Variants in WDR19 observed in about 807,000 individuals in gnomAD.
The protein encoded by WDR19 is WD repeat domain 19.
Under a neutral mutation model 180.0 loss-of-function variants are expected in WDR19, and 121 were observed. The ratio of observed to expected loss-of-function variants is 0.67; its 90% CI spans 0.58 to 0.78. The LOEUF (loss-of-function observed/expected upper bound fraction) is 0.78, where lower values mean the gene tolerates loss of function less well. Ranked by LOEUF, WDR19 falls within the 30% of genes least tolerant of loss-of-function variation. The pLI, the probability that WDR19 is intolerant of heterozygous loss-of-function variation, is 0.00. For synonymous variants in WDR19, 497 were observed against 540.7 expected (o/e 0.92, Z 1.12); for missense variants, 1,450 against 1,640.7 (o/e 0.88, Z 2.01).
At chr4:39,226,489 C>A (rs1243639263) in intron 15 of WDR19, among the ~76,000 whole-genome samples, 1 of 152,150 alleles carries the variant, frequency 6.6e-6, no homozygotes, top group African/African-American at 2.4e-5. Context: ...AACAGTTCGG[C>A]CACTAGTCCA....
intron 36 of WDR19, among the ~76,000 whole-genome samples, chr4:39,280,943 A>C (rs6829660): frequency 0.46 from 69,925 of 151,888 alleles, 18,711 homozygotes; most frequent in East Asian, 0.62. Context: ...TTGCATGTAG[A>C]TATCCAGCTG....
At chr4:39,202,531 G>T (rs1231332168) in intron 6 of WDR19, among the ~76,000 whole-genome samples, 4 of 151,996 alleles carry the variant, frequency 2.6e-5, no homozygotes, top group Non-Finnish European at 1.5e-5. Flanking sequence ...AACATATTCT[G>T]TTGGTGAAAC....
At chr4:39,190,134 A>G (rs6531696) in intron 4 of WDR19, among the ~76,000 whole-genome samples, 52,585 of 152,012 alleles carry the variant, frequency 0.35, 9,606 homozygotes, top group African/African-American at 0.47. Context: ...TCTTTTCTCT[A>G]TATTGACTTT....
intron 24 of WDR19, among the ~76,000 whole-genome samples, chr4:39,250,717 A>G (rs1248483338): frequency 6.6e-6 from 1 of 152,190 alleles, no homozygotes; most frequent in Non-Finnish European, 1.5e-5. Flanking sequence ...CCAATAACAG[A>G]CAAACAGAGA....
At chr4:39,225,168 A>G in intron 15 of WDR19, 135 bp downstream of exon 15, 1 of 681,766 alleles carries the variant, frequency 1.5e-6, no homozygotes, top group Non-Finnish European at 2.2e-6. Context: ...CATCTTCATA[A>G]TATCATGTTT....
intron 21 of WDR19, among the ~76,000 whole-genome samples, chr4:39,243,115 T>G (rs1280893520): frequency 6.7e-6 from 1 of 150,190 alleles, no homozygotes; most frequent in Non-Finnish European, 1.5e-5. Flanking sequence ...AAAATTAAAT[T>G]CATTTTTTAA....
rs1426032211 is a variant in WDR19 at position 39,224,525 on chromosome 4, C to T, written c.1480-359C>T. Among the ~76,000 whole-genome samples, 7 of 151,972 alleles carry T rather than the reference C, an allele frequency of 4.6e-5. No individual in the cohort carries two copies. The East Asian group carries it at 7.7e-4, about 17-fold the overall frequency. On this transcript the variant is annotated intron_variant, in intron 14 of 36. Coordinates refer to ENST00000399820, the MANE Select transcript of WDR19 (RefSeq NM_025132.4). ...CCTCCCAAGTAGCTGGGATTACAGG[C>T]GCCCGCCACCATGCCCAGCTAATTT... is the stretch of plus-strand genomic sequence containing the variant.
chr4:39,270,129 AAC>A (rs762597163), intron 31 of WDR19, 29 bp downstream of exon 31: 53 of 1,610,018 alleles, frequency 3.3e-5, no homozygotes, highest in Non-Finnish European at 4.2e-5. Context: ...CTTGGGACAT[AAC>A]CTGCCAGGTG....
intron 4 of WDR19, among the ~76,000 whole-genome samples, chr4:39,192,744 G>T (rs1356545657): frequency 6.6e-6 from 1 of 152,164 alleles, no homozygotes; most frequent in African/African-American, 2.4e-5. Flanking sequence ...TTATAGGCGT[G>T]AGCCACCGTG....
intron 2 of WDR19, 96 bp downstream of exon 2, chr4:39,185,913 T>C: frequency 9.2e-7 from 1 of 1,088,738 alleles, no homozygotes. Flanking sequence ...TTTTTTTTTT[T>C]TAAATGGAGT....
At chr4:39,248,697 T>G (rs1000119063) in intron 24 of WDR19, among the ~76,000 whole-genome samples, 4 of 152,084 alleles carry the variant, frequency 2.6e-5, no homozygotes, top group African/African-American at 9.7e-5. Context: ...AGGCAGGGGT[T>G]GCAATCCTAG....
At chr4:39,205,069 TAGGTTC>T (rs1727804157) in intron 7 of WDR19, 79 bp from the exon 8 acceptor site, 1 of 911,648 alleles carries the variant, frequency 1.1e-6, no homozygotes, top group African/African-American at 1.7e-5. Flanking sequence ...TTTCACAAAT[TAGGTTC>T]AGCTGTTGGA....
At chr4:39,217,774 C>T (rs1004150685) in intron 13 of WDR19, among the ~76,000 whole-genome samples, 1 of 152,120 alleles carries the variant, frequency 6.6e-6, no homozygotes, top group Non-Finnish European at 1.5e-5. Context: ...GCAGAGCCTG[C>T]AGTAAAGACT....
intron 17 of WDR19, among the ~76,000 whole-genome samples, chr4:39,230,934 T>A (rs1176191550): frequency 6.6e-6 from 1 of 152,178 alleles, no homozygotes; most frequent in Non-Finnish European, 1.5e-5. Context: ...GGCAAATATT[T>A]CAAGCTTTAC....
At chr4:39,255,611 A>G (rs1361895621) in intron 26 of WDR19, among the ~76,000 whole-genome samples, 4 of 152,190 alleles carry the variant, frequency 2.6e-5, no homozygotes, top group Non-Finnish European at 4.4e-5. Flanking sequence ...ACTAACAAAA[A>G]CCTTGTAATT....
At chr4:39,194,845 G>T in intron 5 of WDR19, 186 bp downstream of exon 5, 2 of 560,956 alleles carry the variant, frequency 3.6e-6, no homozygotes, top group Non-Finnish European at 6.3e-6. Context: ...CTAAGAACTT[G>T]CCAGGGTACA....
intron 6 of WDR19, among the ~76,000 whole-genome samples, chr4:39,202,264 A>G (rs903112114): frequency 2.0e-5 from 3 of 152,010 alleles, no homozygotes; most frequent in Admixed American, 2.0e-4. Flanking sequence ...TCTTTCTTCA[A>G]ATTTGTCTAA....
At chr4:39,245,273 T>G (rs1052046307) in intron 23 of WDR19, 96 bp from the exon 24 acceptor site, 10 of 998,998 alleles carry the variant, frequency 1.0e-5, no homozygotes, top group African/African-American at 1.7e-5. Context: ...TAGTAATAAC[T>G]GGTTTTTGAA....
In WDR19 at chr4:39,253,292, G is replaced by C; in HGVS notation, c.2876G>C (p.Arg959Thr). 2 of 1,609,538 alleles carry C rather than the reference G, an allele frequency of 1.2e-6. No homozygotes were observed. The highest frequency in any genetic ancestry group is 1.7e-6 in the Non-Finnish European group (2 of 1,178,566). The change falls in exon 25 of 37, where the codon AGG (arginine) becomes ACG (threonine). Residue 959 changes from arginine to threonine, a missense_variant and splice_region_variant. Arg to Thr is a moderately conservative substitution (Grantham distance 71). Coordinates refer to ENST00000399820, the MANE Select transcript of WDR19 (RefSeq NM_025132.4). ...QSLDGAKMVA[R>T]FFLQLGDYGS... is the part of the protein sequence containing the mutation. ...CTGGATGGAGCCAAAATGGTAGCCA[G>C]GTAACATAATACATTAATATTTTTG...
Sources: allele counts gnomAD v4.1 joint callset (sites outside exome capture counted in the v4.1 genomes callset), GRCh38; gene constraint gnomAD v4.1.1; transcripts MANE v1.5; gene names NCBI Gene and HGNC (gene_info 2026-07-23, HGNC 2026-07-21).